Variants in ARHGAP32 observed in about 807,000 individuals in gnomAD.
The protein encoded by ARHGAP32 is Rho GTPase activating protein 32.
A neutral mutation model predicts 186.5 loss-of-function variants in ARHGAP32; 51 were observed. The observed-to-expected ratio is 0.27, with a 90% confidence interval of 0.22 to 0.35. ARHGAP32 has a LOEUF of 0.35. ARHGAP32 is among the 10% of genes least tolerant of loss of function. The probability of loss-of-function intolerance (pLI) is 1.00; values close to 1 mark genes in which losing one functional copy is unlikely to be tolerated. For missense variants in ARHGAP32, 2,186 were observed against 2,623.5 expected (o/e 0.83, Z 3.64); for synonymous variants, 950 against 964.3 (o/e 0.99, Z 0.27).
intron 6 of ARHGAP32, among the ~76,000 whole-genome samples, chr11:129,072,856 T>C (rs940926119): frequency 6.6e-6 from 1 of 152,168 alleles, no homozygotes; most frequent in Non-Finnish European, 1.5e-5. Context: ...CCAAACACTA[T>C]GTTTTCAACA....
At chr11:129,251,543 T>C (rs1945182539) in intron 1 of ARHGAP32, among the ~76,000 whole-genome samples, 1 of 152,166 alleles carries the variant, frequency 6.6e-6, no homozygotes, top group Non-Finnish European at 1.5e-5. Context: ...TGTCTAATGA[T>C]CATACTGAAA....
chr11:128,985,144 G>C (rs1156259256), intron 15 of ARHGAP32, among the ~76,000 whole-genome samples: 1 of 151,982 alleles, frequency 6.6e-6, no homozygotes, highest in African/African-American at 2.4e-5. Flanking sequence ...CTCAGCCCCC[G>C]AGTAGCTGGG....
intron 11 of ARHGAP32, among the ~76,000 whole-genome samples, chr11:129,040,085 G>C (rs1008871183): frequency 6.6e-6 from 1 of 151,848 alleles, no homozygotes; most frequent in Non-Finnish European, 1.5e-5. Flanking sequence ...AGCTTTGGGA[G>C]CAGAAGTGGG....
In ARHGAP32 at chr11:129,022,304, C is replaced by T. The variant is rs185993916; in HGVS notation, c.1045+18624G>A. Among the ~76,000 whole-genome samples the T allele has an allele frequency of 2.6e-3, 390 of 152,198 alleles. 5 individuals are homozygous for T. Among genetic ancestry groups the T allele is most frequent in the African/African-American group, 8.9e-3 (370 of 41,546 alleles). ...TGTACTTTAATGTCACAGTCCTCTG[C>T]ACTTTATTAAGCTATGAAGTTTGGT... On this transcript the variant is annotated intron_variant, in intron 11 of 22. Transcript: ENST00000682385.
chr11:129,166,133 C>T (rs1473420361), intron 1 of ARHGAP32, among the ~76,000 whole-genome samples: 1 of 151,332 alleles, frequency 6.6e-6, no homozygotes, highest in Non-Finnish European at 1.5e-5. Context: ...GAACAATAAA[C>T]ATAGCTAAAG....
At chr11:129,170,354 C>T (rs532461340) in intron 1 of ARHGAP32, among the ~76,000 whole-genome samples, 10 of 152,060 alleles carry the variant, frequency 6.6e-5, no homozygotes, top group Non-Finnish European at 1.5e-4. Flanking sequence ...CAACTGGCCC[C>T]GATCTGTGTT....
At chr11:129,271,736 G>C (rs920003229) in intron 1 of ARHGAP32, among the ~76,000 whole-genome samples, 1 of 152,154 alleles carries the variant, frequency 6.6e-6, no homozygotes, top group Non-Finnish European at 1.5e-5. Context: ...TATAGAAAAT[G>C]AGAATGAACA....
chr11:128,976,440 G>C, intron 20 of ARHGAP32, 123 bp downstream of exon 20: 1 of 740,534 alleles, frequency 1.4e-6, no homozygotes, highest in Non-Finnish European at 2.3e-6. Flanking sequence ...ATAGACACTA[G>C]TATTCCTAGG....
At chr11:129,004,121 A>G (rs1445343860) in intron 11 of ARHGAP32, among the ~76,000 whole-genome samples, 1 of 151,506 alleles carries the variant, frequency 6.6e-6, no homozygotes, top group Non-Finnish European at 1.5e-5. Context: ...TCATTGACTC[A>G]CCGTCTTTCA....
chr11:129,259,441 T>A (rs761520681), intron 1 of ARHGAP32, among the ~76,000 whole-genome samples: 3 of 152,132 alleles, frequency 2.0e-5, no homozygotes, highest in Non-Finnish European at 4.4e-5. Context: ...AAAAGAGTAC[T>A]GCAAATGCCA....
intron 1 of ARHGAP32, among the ~76,000 whole-genome samples, chr11:129,224,955 T>A (rs991414926): frequency 1.6e-4 from 25 of 151,754 alleles, no homozygotes; most frequent in African/African-American, 6.0e-4. Flanking sequence ...CTATAAAAAA[T>A]TAAATATTAG....
At chr11:129,125,798 T>G in intron 2 of ARHGAP32, 1 of 330,872 alleles carries the variant, frequency 3.0e-6, no homozygotes, top group South Asian at 2.5e-5. Flanking sequence ...TTTTTGAGGG[T>G]TTTTTTTTTC....
intron 1 of ARHGAP32, among the ~76,000 whole-genome samples, chr11:129,249,203 G>A (rs1945145159): frequency 1.3e-5 from 2 of 151,308 alleles, no homozygotes; most frequent in African/African-American, 4.9e-5. Flanking sequence ...ACACTACTGA[G>A]ACACACCAAA....
intron 2 of ARHGAP32, among the ~76,000 whole-genome samples, chr11:129,130,644 A>G (rs1027825145): frequency 1.3e-5 from 2 of 152,158 alleles, no homozygotes; most frequent in African/African-American, 2.4e-5. Flanking sequence ...AAAGCAAAAT[A>G]AAATCACAAT....
intron 1 of ARHGAP32, among the ~76,000 whole-genome samples, chr11:129,248,940 G>A (rs1001111803): frequency 2.6e-5 from 4 of 152,098 alleles, no homozygotes; most frequent in Non-Finnish European, 5.9e-5. Context: ...CTGTCCTCAT[G>A]GAGCTTGGAG....
At chr11:129,108,948 T>C (rs772138209) in intron 5 of ARHGAP32, among the ~76,000 whole-genome samples, 23 of 152,168 alleles carry the variant, frequency 1.5e-4, no homozygotes, top group Non-Finnish European at 3.1e-4. Flanking sequence ...TTTCGGCTAC[T>C]TTGAAATACA....
At chr11:129,023,772 C>G in intron 11 of ARHGAP32, 2 of 499,488 alleles carry the variant, frequency 4.0e-6, no homozygotes, top group Non-Finnish European at 5.2e-6. Flanking sequence ...TAACATGTGC[C>G]CAAATATAAT....
chr11:129,252,362 G>C, intron 1 of ARHGAP32, among the ~76,000 whole-genome samples: 1 of 152,084 alleles, frequency 6.6e-6, no homozygotes, highest in Non-Finnish European at 1.5e-5. Flanking sequence ...CAGGACAATG[G>C]GTATGCTAAT....
intron 10 of ARHGAP32, among the ~76,000 whole-genome samples, chr11:129,052,304 C>T (rs1940084854): frequency 6.6e-6 from 1 of 152,224 alleles, no homozygotes. Flanking sequence ...CTCTTGAAAA[C>T]TGTAGCTTTG....
Sources: gnomAD v4.1 joint callset for allele counts (sites outside exome capture counted in the v4.1 genomes callset) on GRCh38, gnomAD v4.1.1 for gene constraint, MANE v1.5 for transcripts, NCBI Gene and HGNC (gene_info 2026-07-23, HGNC 2026-07-21) for gene names.